Variants in KANK1 observed in about 807,000 individuals in gnomAD.
The protein encoded by KANK1 is KN motif and ankyrin repeat domains 1, also known as KN motif and ankyrin repeat domain-containing protein 1.
KANK1 carries 109 observed loss-of-function variants against 106.2 expected under a neutral mutation model. That is an observed-to-expected ratio of 1.03 (90% CI 0.88 to 1.20). The LOEUF is 1.20. KANK1 is among the 50% of genes most tolerant of loss of function. The pLI is 0.00. For missense variants in KANK1, 2,399 were observed against 1,710.7 expected, an observed-to-expected ratio of 1.40 and a Z score of -7.10; for synonymous variants, 873 against 652.2, an observed-to-expected ratio of 1.34 and a Z score of -5.16.
intron 2 of KANK1, among the ~76,000 whole-genome samples, chr9:472,221 T>C (rs1201716448): frequency 6.6e-6 from 1 of 152,196 alleles, no homozygotes; most frequent in African/African-American, 2.4e-5. Flanking sequence ...AGTGACCAGT[T>C]TCCCTGACCT....
intron 1 of KANK1, among the ~76,000 whole-genome samples, chr9:632,181 C>A (rs1477250827): frequency 6.6e-6 from 1 of 152,144 alleles, no homozygotes; most frequent in Non-Finnish European, 1.5e-5. Context: ...CTTTTGAAGT[C>A]AGAATTCATA....
chr9:581,541 T>A (rs902212260), intron 1 of KANK1, among the ~76,000 whole-genome samples: 3 of 152,226 alleles, frequency 2.0e-5, no homozygotes, highest in Non-Finnish European at 2.9e-5. Context: ...TGCACTTGCT[T>A]GGTAATGGGT....
At chr9:526,928 T>G (rs2059819025) in intron 1 of KANK1, among the ~76,000 whole-genome samples, 1 of 151,838 alleles carries the variant, frequency 6.6e-6, no homozygotes, top group Admixed American at 6.6e-5. Context: ...TGCTGTAATA[T>G]TAATATGATT....
At chr9:518,399 G>A (rs1355030899) in intron 1 of KANK1, among the ~76,000 whole-genome samples, 3 of 151,520 alleles carry the variant, frequency 2.0e-5, no homozygotes, top group South Asian at 2.1e-4. Context: ...GACCCCCAGT[G>A]GCCCAGGGCA....
chr9:732,632 C>A lies in KANK1; in HGVS notation c.3245+15C>A, dbSNP rs146417693. 1 of 1,608,358 alleles carries A rather than the reference C, an allele frequency of 6.2e-7. No homozygotes were observed. Among genetic ancestry groups the A allele is most frequent in the African/African-American group, 1.3e-5 (1 of 74,848 alleles). ...ATCAGAGAGAGGTGTGGTACATTCC[C>A]CTTCCCTCCCTTGCCCCTCCCACAT... On this transcript the variant is annotated intron_variant, in intron 6 of 11. Coordinates refer to ENST00000382297, the MANE Select transcript of KANK1 (RefSeq NM_015158.5).
At position 568,588 on chromosome 9, in the gene KANK1, C is replaced by G. The variant is rs77323086; in HGVS notation, c.-84+63834C>G. Among the ~76,000 whole-genome samples, 564 of 152,216 alleles carry G rather than the reference C, an allele frequency of 3.7e-3. 4 individuals are homozygous for G. The highest frequency in any genetic ancestry group is 0.013 in the African/African-American group (550 of 41,526). ...TGCTTTAACCTCAAACTCCTGGGCT[C>G]AAGCTATCATCCCGCCTCAGCCTGC... On this transcript the variant is annotated intron_variant, in intron 1 of 11. Coordinates refer to ENST00000382297, the MANE Select transcript of KANK1 (RefSeq NM_015158.5).
At chr9:665,786 G>A (rs573276104) in intron 1 of KANK1, among the ~76,000 whole-genome samples, 3 of 152,248 alleles carry the variant, frequency 2.0e-5, no homozygotes, top group South Asian at 4.2e-4. Flanking sequence ...CAATCCATGA[G>A]CATGGAATAA....
Position 544,762 on chromosome 9 carries a change from G to T in KANK1, c.-84+40008G>T, listed in dbSNP as rs572100272. ...GGTAGACTTGGGGAAGAGGAGAGGA[G>T]GGGGAGCATCCTGTGTTTAGAACCA... On this transcript the variant is annotated intron_variant, in intron 1 of 11. Coordinates refer to ENST00000382297, the MANE Select transcript of KANK1 (RefSeq NM_015158.5). Among the ~76,000 whole-genome samples the T allele has an allele frequency of 8.0e-5, 12 of 150,860 alleles. No individual in the cohort carries two copies. In the South Asian group the frequency reaches 1.5e-3, roughly 19 times the overall value.
intron 1 of KANK1, among the ~76,000 whole-genome samples, chr9:643,453 C>G (rs16921615): frequency 0.039 from 5,893 of 150,138 alleles, 793 homozygotes; most frequent in African/African-American, 0.14. Context: ...AATTTTGGTC[C>G]AAGCTCTAGG....
chr9:665,506 A>C (rs1011640490), intron 1 of KANK1, among the ~76,000 whole-genome samples: 3 of 152,152 alleles, frequency 2.0e-5, no homozygotes, highest in Admixed American at 2.0e-4. Flanking sequence ...TGGGTTCACT[A>C]TTCTGTTCAG....
At chr9:700,527 T>G (rs560909566) in intron 2 of KANK1, among the ~76,000 whole-genome samples, 11 of 152,346 alleles carry the variant, frequency 7.2e-5, no homozygotes, top group Non-Finnish European at 1.0e-4. Context: ...CCTCTCTTCC[T>G]GAGTTCATCC....
Position 494,762 on chromosome 9 carries a change from G to A in KANK1, c.-362+21489G>A, listed in dbSNP as rs117444603. ...ATAGCATCCTGCCCCGCTACTGTAT[G>A]TCACACCACCTCAAACAGTCCCTTT... On this transcript the variant is annotated intron_variant, in intron 3 of 15. Coordinates refer to the KANK1 transcript ENST00000382303. Among the ~76,000 whole-genome samples, 145 of 152,268 alleles carry A rather than the reference G, an allele frequency of 9.5e-4. 3 individuals are homozygous for A. The East Asian group carries it at 0.026, about 27-fold the overall frequency.
At chr9:475,368 G>A (rs939822164) in intron 3 of KANK1, among the ~76,000 whole-genome samples, 5 of 152,196 alleles carry the variant, frequency 3.3e-5, no homozygotes, top group African/African-American at 4.8e-5. Flanking sequence ...CCAAGACCCC[G>A]AAAGTATGCC....
At chr9:640,431 T>C (rs2137118985) in intron 1 of KANK1, among the ~76,000 whole-genome samples, 1 of 151,214 alleles carries the variant, frequency 6.6e-6, no homozygotes, top group South Asian at 2.1e-4. Flanking sequence ...AGAGTCAGTC[T>C]CTGTCTCCCA....
intron 2 of KANK1, among the ~76,000 whole-genome samples, chr9:697,494 A>G (rs1201404905): frequency 2.0e-5 from 3 of 152,166 alleles, no homozygotes; most frequent in African/African-American, 7.2e-5. Flanking sequence ...AGACGTTTCC[A>G]GGAATATTTT....
chr9:730,196 T>TAG lies in KANK1; in HGVS notation c.2845_2846insGA (p.Thr949ArgfsTer6). 1 of 1,614,152 alleles carries TAG rather than the reference T, an allele frequency of 6.2e-7. No individual in the cohort carries two copies. The highest frequency in any genetic ancestry group is 8.5e-7 in the Non-Finnish European group (1 of 1,180,020). ...TGGATGCCTTCCCCACTCAGGAAGG[T>TAG]ACGCTGTCTCCAGTGAACCTGACAG... On this transcript the variant is annotated frameshift_variant, in exon 4 of 12. Coordinates refer to ENST00000382297, the MANE Select transcript of KANK1 (RefSeq NM_015158.5). LOFTEE classifies it high-confidence loss of function.
At chr9:688,752 TC>T (rs1819163841) in intron 2 of KANK1, among the ~76,000 whole-genome samples, 1 of 152,188 alleles carries the variant, frequency 6.6e-6, no homozygotes. Context: ...CCATGGCCTT[TC>T]ATTGCTTTTT....
chr9:717,941 A>G (rs538068686), intron 3 of KANK1, among the ~76,000 whole-genome samples: 1 of 152,302 alleles, frequency 6.6e-6, no homozygotes, highest in African/African-American at 2.4e-5. Flanking sequence ...CCTGCTTTTT[A>G]AAATCAGCTT....
intron 1 of KANK1, among the ~76,000 whole-genome samples, chr9:610,072 A>G (rs76732430): frequency 0.06 from 9,178 of 152,220 alleles, 902 homozygotes; most frequent in African/African-American, 0.21. Context: ...TGACTTTCTC[A>G]TGTTTAAAAT....
Sources: gnomAD v4.1 joint callset for allele counts (sites outside exome capture counted in the v4.1 genomes callset) on GRCh38, gnomAD v4.1.1 for gene constraint, MANE v1.5 for transcripts, NCBI Gene and HGNC (gene_info 2026-07-23, HGNC 2026-07-21) for gene names.